SLC22A3: variants seen among roughly 807,000 people sequenced by gnomAD.
SLC22A3 encodes the protein solute carrier family 22 member 3.
In SLC22A3, 51 loss-of-function variants were observed where a neutral mutation model predicts 59.1. The observed-to-expected ratio is 0.86, with a 90% CI of 0.69 to 1.09. The LOEUF (loss-of-function observed/expected upper bound fraction) is 1.09. SLC22A3 is among the 50% of genes least tolerant of loss of function. SLC22A3 has a pLI of 0.00. For missense variants in SLC22A3, 711 were observed against 726.3 expected, an observed-to-expected ratio of 0.98 and a Z score of 0.24; for synonymous variants, 325 against 292.0, an observed-to-expected ratio of 1.11 and a Z score of -1.15.
chr6:160,443,561 G>A, intron 8 of SLC22A3, 69 bp from the exon 9 acceptor site: 1 of 1,050,918 alleles, frequency 9.5e-7, no homozygotes, highest in South Asian at 1.3e-5. Context: ...TAATATGTCT[G>A]AATATGTTGA....
At chr6:160,390,796 C>T (rs1322490467) in intron 1 of SLC22A3, among the ~76,000 whole-genome samples, 3 of 152,130 alleles carry the variant, frequency 2.0e-5, no homozygotes. Context: ...AAACAATATA[C>T]CAGAAACTGG....
chr6:160,415,445 G>A lies in SLC22A3; in HGVS notation c.975+4599G>A, dbSNP rs1184663830. On this transcript the variant is annotated intron_variant, in intron 5 of 10. Coordinates refer to ENST00000275300, the MANE Select transcript of SLC22A3 (RefSeq NM_021977.4). The surrounding 1 kb of genome is among the most constrained non-coding windows in gnomAD (Gnocchi z 4.1). Reference sequence around the variant, plus strand: ...TTTGTGATTCAAATACATACTGTCCGTGTCTATGTTAGGATAGCCTTGAAA... The same window carrying A: ...TTTGTGATTCAAATACATACTGTCCATGTCTATGTTAGGATAGCCTTGAAA... 1.3e-5 allele frequency among the ~76,000 whole-genome samples: 2 copies of A among 152,156 alleles called. No homozygotes were observed. Among genetic ancestry groups the A allele is most frequent in the African/African-American group, 2.4e-5 (1 of 41,426 alleles).
At chr6:160,447,902 T>C (rs1788806562) in intron 10 of SLC22A3, 84 bp downstream of exon 10, 5 of 1,031,080 alleles carry the variant, frequency 4.8e-6, no homozygotes, top group Non-Finnish European at 6.1e-6. Context: ...AAATTGAATA[T>C]CCACAGGGAA....
chr6:160,423,503 G>C (rs1447318423), intron 5 of SLC22A3, among the ~76,000 whole-genome samples: 3 of 1,790 alleles, frequency 1.7e-3, no homozygotes, highest in Non-Finnish European at 2.4e-3. Flanking sequence ...GTTGTTTCCT[G>C]ACTTATTTTT....
At chr6:160,360,701 G>A (rs377551) in intron 1 of SLC22A3, among the ~76,000 whole-genome samples, 52,598 of 151,968 alleles carry the variant, frequency 0.35, 9,979 homozygotes, top group African/African-American at 0.52. Flanking sequence ...GAAGGTCCAC[G>A]CTCTATTTCC....
chr6:160,395,696 C>A (rs558355219), intron 1 of SLC22A3, among the ~76,000 whole-genome samples: 2 of 152,242 alleles, frequency 1.3e-5, no homozygotes, highest in South Asian at 2.1e-4. Flanking sequence ...AACTATTATG[C>A]ATATCTGTAA....
chr6:160,443,675 A>C lies in SLC22A3; in HGVS notation c.1443A>C (p.Gly481=), dbSNP rs749641188. ...SLCSGLCDFG[G]IIAPFLLFRL... Reference sequence around the variant, plus strand: ...GTTCAGGTCTGTGTGATTTTGGGGGAATCATAGCCCCATTTCTGCTCTTTC... The same window carrying C: ...GTTCAGGTCTGTGTGATTTTGGGGGCATCATAGCCCCATTTCTGCTCTTTC... The change falls in exon 9 of 11, where the codon GGA becomes GGC. Residue 481 remains glycine, a synonymous_variant. Transcript: ENST00000275300. 15 of 1,613,796 alleles carry C rather than the reference A, an allele frequency of 9.3e-6. No individual in the cohort carries two copies. The highest frequency in any genetic ancestry group is 1.1e-5 in the Non-Finnish European group (13 of 1,179,910).
intron 1 of SLC22A3, among the ~76,000 whole-genome samples, chr6:160,353,597 A>G (rs1317043266): frequency 1.3e-5 from 2 of 152,186 alleles, no homozygotes; most frequent in Admixed American, 1.3e-4. Flanking sequence ...AATATGAGGG[A>G]AAAGATGTTC....
intron 5 of SLC22A3, among the ~76,000 whole-genome samples, chr6:160,432,412 A>G (rs1246602676): frequency 1.3e-5 from 2 of 151,288 alleles, no homozygotes; most frequent in Non-Finnish European, 2.9e-5. Flanking sequence ...TTTTTTTGTT[A>G]CAAAAATAAT....
intron 7 of SLC22A3, 39 bp from the exon 8 acceptor site, chr6:160,442,722 A>G (rs1562503741): frequency 1.4e-6 from 2 of 1,420,560 alleles, no homozygotes; most frequent in African/African-American, 1.4e-5. Flanking sequence ...ATGAAATCAG[A>G]CCCCTAACTC....
At chr6:160,385,993 T>C (rs181846695) in intron 1 of SLC22A3, among the ~76,000 whole-genome samples, 1 of 44,162 alleles carries the variant, frequency 2.3e-5, no homozygotes, top group East Asian at 1.1e-3. Context: ...TCTTATTTTG[T>C]TATTGTGCAT....
At chr6:160,356,947 AG>A (rs1480244523) in intron 1 of SLC22A3, among the ~76,000 whole-genome samples, 2 of 152,180 alleles carry the variant, frequency 1.3e-5, no homozygotes, top group African/African-American at 4.8e-5. Context: ...GTGATAATAG[AG>A]AAAATTAGTG....
At chr6:160,425,637 T>C (rs1787923688) in intron 5 of SLC22A3, among the ~76,000 whole-genome samples, 1 of 152,182 alleles carries the variant, frequency 6.6e-6, no homozygotes, top group South Asian at 2.1e-4. Context: ...TTGAAGAACA[T>C]GCATATAAGA....
chr6:160,413,441 C>T (rs1226904372), intron 5 of SLC22A3, among the ~76,000 whole-genome samples: 2 of 152,200 alleles, frequency 1.3e-5, no homozygotes, highest in Non-Finnish European at 2.9e-5. Flanking sequence ...ATGCATATCC[C>T]TCAGCTCCAA....
chr6:160,425,296 A>G (rs1787906397), intron 5 of SLC22A3, among the ~76,000 whole-genome samples: 1 of 152,240 alleles, frequency 6.6e-6, no homozygotes, highest in Admixed American at 6.5e-5. Flanking sequence ...TGTCACTGAC[A>G]TGAAGTTGTC....
At position 160,407,107 on chromosome 6, in the gene SLC22A3, C is replaced by G; in HGVS notation, c.600C>G (p.Ala200=). Reference sequence around the variant, plus strand: ...TTGGCGTCACTGGGGTTGTGGTGGCCTTTGCACCAAACTTCCCTGTGTTTG... The same window carrying G: ...TTGGCGTCACTGGGGTTGTGGTGGCGTTTGCACCAAACTTCCCTGTGTTTG... ...LGVGVTGVVV[A]FAPNFPVFVI... The change falls in exon 3 of 11, where the codon GCC becomes GCG. Residue 200 remains alanine (A), a synonymous_variant. Coordinates refer to ENST00000275300, the MANE Select transcript of SLC22A3 (RefSeq NM_021977.4). The G allele has an allele frequency of 6.2e-7, 1 of 1,612,178 alleles. No homozygotes were observed. The highest frequency in any genetic ancestry group is 1.1e-5 in the South Asian group (1 of 90,692).
At chr6:160,348,886 G>C (rs962438574) in intron 1 of SLC22A3, 38 bp downstream of exon 1, 35 of 1,542,086 alleles carry the variant, frequency 2.3e-5, no homozygotes, top group Middle Eastern at 4.1e-4. Flanking sequence ...CGGCGGGAGA[G>C]GACGATGCTG....
intron 1 of SLC22A3, among the ~76,000 whole-genome samples, chr6:160,388,898 G>T (rs1786131340): frequency 6.6e-6 from 1 of 152,242 alleles, no homozygotes; most frequent in African/African-American, 2.4e-5. Flanking sequence ...TTACCCCAAA[G>T]CTGCATTGTG....
At chr6:160,387,878 C>G (rs1786086727) in intron 1 of SLC22A3, among the ~76,000 whole-genome samples, 1 of 152,192 alleles carries the variant, frequency 6.6e-6, no homozygotes, top group South Asian at 2.1e-4. Context: ...GGATTATAAT[C>G]TGGAAATGAA....
Sources: allele counts gnomAD v4.1 joint callset (sites outside exome capture counted in the v4.1 genomes callset), GRCh38; gene constraint gnomAD v4.1.1; non-coding constraint Gnocchi (gnomAD v3.1); transcripts MANE v1.5; gene names NCBI Gene and HGNC (gene_info 2026-07-23, HGNC 2026-07-21).